APPBP2: variants seen among roughly 807,000 people sequenced by gnomAD.
APPBP2 encodes amyloid beta precursor protein binding protein 2, also known as amyloid protein-binding protein 2.
In APPBP2, 15 loss-of-function variants were observed where a neutral mutation model predicts 76.0. That is an observed-to-expected ratio of 0.20 (90% CI 0.13 to 0.30). The LOEUF (loss-of-function observed/expected upper bound fraction) is 0.30. Among genes scored for constraint, APPBP2 ranks in the 10% least tolerant of loss-of-function variants. The pLI, the probability that APPBP2 is intolerant of heterozygous loss-of-function variation, is 1.00. For synonymous variants in APPBP2, 222 were observed against 242.2 expected (o/e 0.92, Z 0.77); for missense variants, 401 against 687.2 (o/e 0.58, Z 4.66).
At chr17:60,487,505 T>C (rs532587896) in intron 3 of APPBP2, among the ~76,000 whole-genome samples, 2 of 152,350 alleles carry the variant, frequency 1.3e-5, no homozygotes, top group South Asian at 2.1e-4. Flanking sequence ...AGCATGTGCA[T>C]GTGTCATGTA....
Position 60,446,731 on chromosome 17 carries a change from A to G in APPBP2, c.*850T>C, listed in dbSNP as rs552168926. 2 of 152,194 alleles carry G rather than the reference A, an allele frequency of 1.3e-5. No individual in the cohort carries two copies. The highest frequency in any genetic ancestry group is 2.9e-5 in the Non-Finnish European group (2 of 68,026). 9.4% of individuals were successfully genotyped at this position (152,194 alleles called of 1,614,324 possible). A position where few individuals can be genotyped will look rare whatever the true frequency, so the allele number is the denominator to read the frequency against. On this transcript the variant is annotated 3_prime_UTR_variant, in exon 13 of 13. Coordinates refer to ENST00000083182, the MANE Select transcript of APPBP2 (RefSeq NM_006380.5). ...TTCCCTAATTTGGTATCTATTACAT[A>G]ATTTTTGCATTATCCTTTTTCATTA... is the stretch of plus-strand genomic sequence containing the variant.
chr17:60,482,884 T>C (rs2090641650), intron 3 of APPBP2, among the ~76,000 whole-genome samples: 1 of 152,232 alleles, frequency 6.6e-6, no homozygotes, highest in Admixed American at 6.5e-5. Flanking sequence ...AGTGCCGTAA[T>C]AAACATACAT....
At chr17:60,458,375 A>C (rs1053864413) in intron 9 of APPBP2, among the ~76,000 whole-genome samples, 1 of 151,864 alleles carries the variant, frequency 6.6e-6, no homozygotes. Flanking sequence ...TGGAGAGTGC[A>C]GTCAGCCGAG....
intron 3 of APPBP2, among the ~76,000 whole-genome samples, chr17:60,481,372 C>T (rs2090627159): frequency 6.6e-6 from 1 of 152,150 alleles, no homozygotes; most frequent in South Asian, 2.1e-4. Flanking sequence ...GGAAGGATCC[C>T]TTGAGGCCAA....
At position 60,443,554 on chromosome 17, in the gene APPBP2, C is replaced by A. The variant is rs1339554364; in HGVS notation, c.*4027G>T. The A allele has an allele frequency of 6.6e-6, 1 of 152,544 alleles. No homozygotes were observed. Among genetic ancestry groups the A allele is most frequent in the Non-Finnish European group, 1.5e-5 (1 of 68,028 alleles). The allele number at this position is 152,544 out of a possible 1,614,324, so 9.4% of individuals were successfully genotyped here. ...AATAAAACGTAGCATTCATTCACAT[C>A]ATAAAAGTAGAACTGAAAAGTTTTA... On this transcript the variant is annotated 3_prime_UTR_variant, in exon 13 of 13. Coordinates refer to ENST00000083182, the MANE Select transcript of APPBP2 (RefSeq NM_006380.5).
chr17:60,510,651 G>A (rs1346198397), intron 1 of APPBP2, among the ~76,000 whole-genome samples: 2 of 152,082 alleles, frequency 1.3e-5, no homozygotes, highest in African/African-American at 4.8e-5. Context: ...GGGAGGTTGA[G>A]GCCGCAGTGA....
rs1472047040 is a variant in APPBP2, at chr17:60,515,219, A to G, written c.138+10575T>C. Among the ~76,000 whole-genome samples the G allele has an allele frequency of 2.0e-5, 3 of 149,470 alleles. No homozygotes were observed. The Admixed American group carries it at 2.0e-4, about 10-fold the overall frequency. ...CAACCTCCACCTCCTGGGTTCAAGC[A>G]GATCTCCTGCCTCAGCCTTTCAAGT... On this transcript the variant is annotated intron_variant, in intron 1 of 12. Transcript: ENST00000083182.
chr17:60,491,342 G>C (rs2090727412), intron 3 of APPBP2, among the ~76,000 whole-genome samples: 1 of 152,130 alleles, frequency 6.6e-6, no homozygotes, highest in Non-Finnish European at 1.5e-5. Context: ...AGGGTATCTG[G>C]CAGAAGAAAT....
chr17:60,457,418 G>T (rs116257976), intron 9 of APPBP2, among the ~76,000 whole-genome samples: 12,346 of 151,300 alleles, frequency 0.082, 1,664 homozygotes, highest in African/African-American at 0.28. Flanking sequence ...GGTTTTTTTT[G>T]TTTTGTTTTT....
At chr17:60,513,211 G>T (rs16944463) in intron 1 of APPBP2, 1 of 374,934 alleles carries the variant, frequency 2.7e-6, no homozygotes, top group South Asian at 3.6e-5. Context: ...CCAAGAGGGC[G>T]AGCATTCGAC....
chr17:60,481,297 C>T (rs73990469), intron 3 of APPBP2, among the ~76,000 whole-genome samples: 2,264 of 152,246 alleles, frequency 0.015, 49 homozygotes, highest in African/African-American at 0.05. Context: ...TGGTTAAAAA[C>T]GATTTGTATT....
At chr17:60,507,714 G>C (rs1276909621) in intron 1 of APPBP2, among the ~76,000 whole-genome samples, 2 of 152,084 alleles carry the variant, frequency 1.3e-5, no homozygotes, top group Non-Finnish European at 2.9e-5. Flanking sequence ...TAACCCGGTT[G>C]GTAAATTTGA....
intron 3 of APPBP2, 95 bp from the exon 4 acceptor site, chr17:60,479,366 T>C: frequency 2.4e-6 from 3 of 1,248,886 alleles, no homozygotes; most frequent in Non-Finnish European, 3.3e-6. Context: ...AAATTAAAAA[T>C]AAACCATGAT....
Position 60,449,582 on chromosome 17 carries a change from C to T in APPBP2, c.1505-1748G>A, listed in dbSNP as rs144057234. The stretch of plus-strand genomic sequence containing the variant: ...CTGCATACCAGCCTGGACGACACAG[C>T]GAGACTCTTGTCTCAAAACAAAACA... On this transcript the variant is annotated intron_variant, in intron 12 of 12. Transcript: ENST00000083182. Among the ~76,000 whole-genome samples the T allele has an allele frequency of 3.5e-3, 538 of 151,952 alleles. 4 individuals are homozygous for T. Among genetic ancestry groups the T allele is most frequent in the African/African-American group, 0.012 (503 of 41,404 alleles).
rs1364138006 is a variant in APPBP2, at chr17:60,444,186, T to C, written c.*3395A>G. On this transcript the variant is annotated 3_prime_UTR_variant, in exon 13 of 13. Coordinates refer to ENST00000083182, the MANE Select transcript of APPBP2 (RefSeq NM_006380.5). ...GTTCCTCCACAGCCAAGAGGTGAAGTACACATCCACTTCTAAAGCAAAGAT... is the reference window on the plus strand; with the variant it reads ...GTTCCTCCACAGCCAAGAGGTGAAGCACACATCCACTTCTAAAGCAAAGAT... 1 of 151,170 alleles carries C rather than the reference T, an allele frequency of 6.6e-6. No homozygotes were observed. The highest frequency in any genetic ancestry group is 2.5e-5 in the African/African-American group (1 of 40,806). 9.4% of individuals were successfully genotyped at this position (151,170 alleles called of 1,614,324 possible).
chr17:60,525,964 C>T lies in APPBP2; in HGVS notation c.-33G>A. 1 of 1,554,176 alleles carries T rather than the reference C, an allele frequency of 6.4e-7. No homozygotes were observed. Among genetic ancestry groups the T allele is most frequent in the Non-Finnish European group, 8.7e-7 (1 of 1,146,730 alleles). On this transcript the variant is annotated 5_prime_UTR_variant, in exon 1 of 13. Transcript: ENST00000083182. ...CCCTCCTCCTCCGCCTCCTCCGCCTCCTCCTCCCGAAGGCCCCCACCTCCC... is the reference window on the plus strand; with the variant it reads ...CCCTCCTCCTCCGCCTCCTCCGCCTTCTCCTCCCGAAGGCCCCCACCTCCC...
At chr17:60,493,644 C>A (rs868220860) in intron 3 of APPBP2, among the ~76,000 whole-genome samples, 1 of 128,584 alleles carries the variant, frequency 7.8e-6, no homozygotes, top group South Asian at 2.5e-4. Flanking sequence ...TTTTTTTTTT[C>A]TTTTTTTTTT....
At chr17:60,495,849 A>T (rs1214522356) in intron 2 of APPBP2, among the ~76,000 whole-genome samples, 1 of 152,182 alleles carries the variant, frequency 6.6e-6, no homozygotes, top group Non-Finnish European at 1.5e-5. Context: ...TCACAGCAGC[A>T]TTATTCATAA....
chr17:60,459,198 T>A (rs1364259276), intron 9 of APPBP2, among the ~76,000 whole-genome samples: 5 of 152,158 alleles, frequency 3.3e-5, no homozygotes, highest in Admixed American at 3.3e-4. Flanking sequence ...TAAAGCTTCG[T>A]CTATGAAATG....
Sources: gnomAD v4.1 joint callset for allele counts (sites outside exome capture counted in the v4.1 genomes callset) on GRCh38, gnomAD v4.1.1 for gene constraint, MANE v1.5 for transcripts, NCBI Gene and HGNC (gene_info 2026-07-23, HGNC 2026-07-21) for gene names.